Variants in PCID2 observed in about 807,000 individuals in gnomAD.
The protein encoded by PCID2 is PCI domain containing 2.
A neutral mutation model predicts 61.3 loss-of-function variants in PCID2; 41 were observed. That is an observed-to-expected ratio of 0.67 (90% CI 0.52 to 0.87). The LOEUF (loss-of-function observed/expected upper bound fraction) is 0.87, where lower values mean the gene tolerates loss of function less well. Among genes scored for constraint, PCID2 ranks in the 40% least tolerant of loss-of-function variants. The pLI is 0.00. For missense variants in PCID2, 392 were observed against 493.4 expected, an observed-to-expected ratio of 0.79 and a Z score of 1.95; for synonymous variants, 187 against 177.8, an observed-to-expected ratio of 1.05 and a Z score of -0.41.
chr13:113,182,813 T>C (rs960621035), intron 9 of PCID2, among the ~76,000 whole-genome samples: 2 of 152,208 alleles, frequency 1.3e-5, no homozygotes, highest in African/African-American at 4.8e-5. Flanking sequence ...TAATAGTTAA[T>C]GCAAGCTGAG....
At chr13:113,196,359 G>A (rs1354894183) in intron 4 of PCID2, 137 bp from the exon 5 acceptor site, 3 of 616,710 alleles carry the variant, frequency 4.9e-6, no homozygotes, top group East Asian at 2.5e-5. Flanking sequence ...GTAAGTTCTT[G>A]AAGGAAAAAA....
At position 113,197,165 on chromosome 13, in the gene PCID2, C is replaced by T. The variant is rs150377970; in HGVS notation, c.266+13G>A. ...TTCTATGCGGGACAGCTGCCATGAA[C>T]GACAAAGGATATTGGACTATCACGG... is the stretch of plus-strand genomic sequence containing the variant. On this transcript the variant is annotated intron_variant, in intron 4 of 13. Coordinates refer to ENST00000337344, the MANE Select transcript of PCID2 (RefSeq NM_001127202.4). 7.6e-5 allele frequency: 123 copies of T among 1,614,042 alleles called. No individual in the cohort carries two copies. The highest frequency in any genetic ancestry group is 7.1e-4 in the South Asian group (65 of 91,086).
downstream of PCID2, among the ~76,000 whole-genome samples, chr13:113,176,847 A>C (rs2037199399): frequency 6.6e-6 from 1 of 152,160 alleles, no homozygotes; most frequent in African/African-American, 2.4e-5. Flanking sequence ...TGCAACTCAG[A>C]AGAGAGCCCT....
Position 113,179,830 on chromosome 13 carries a change from TTC to T in PCID2, c.986+85_986+86del. ...TAACGACCCCACCCACACGGTGGCC[TTC>T]TCTCTTAGACTGCAACAGCCCTGGA... On this transcript the variant is annotated intron_variant, in intron 12 of 13. Transcript: ENST00000337344. The surrounding 1 kb of genome is among the most constrained non-coding windows in gnomAD (Gnocchi z 4.3). 8 of 1,370,962 alleles carry T rather than the reference TTC, an allele frequency of 5.8e-6. No individual in the cohort carries two copies. Among genetic ancestry groups the T allele is most frequent in the South Asian group, 2.7e-5 (2 of 74,992 alleles). 84.9% of individuals were successfully genotyped at this position (1,370,962 alleles called of 1,614,324 possible).
At position 113,204,251 on chromosome 13, in the gene PCID2, G is replaced by A. The variant is rs576907014; in HGVS notation, c.37-3735C>T. Among the ~76,000 whole-genome samples the A allele has an allele frequency of 2.6e-5, 4 of 152,352 alleles. No individual in the cohort carries two copies. The South Asian group carries it at 8.3e-4, about 32-fold the overall frequency. On this transcript the variant is annotated intron_variant, in intron 1 of 13. Transcript: ENST00000337344. The stretch of plus-strand genomic sequence containing the variant: ...AGTACTCTGGTGACAGGTCACACTT[G>A]AGCATGATGTTCTGATGTTGCCAAG...
chr13:113,188,988 T>C (rs1191090415), intron 7 of PCID2, among the ~76,000 whole-genome samples: 1 of 152,196 alleles, frequency 6.6e-6, no homozygotes, highest in Non-Finnish European at 1.5e-5. Flanking sequence ...TGTTAAAACC[T>C]GATCCCCGTT....
At position 113,181,133 on chromosome 13, in the gene PCID2, T is replaced by G; in HGVS notation, c.783A>C (p.Leu261=). The G allele has an allele frequency of 1.3e-6, 2 of 1,587,636 alleles. No homozygotes were observed. Among genetic ancestry groups the G allele is most frequent in the Non-Finnish European group, 1.7e-6 (2 of 1,155,794 alleles). ...ILIYLLPVKM[L]LGHMPTVELL... ...ACATGGAGTAATAATCACTCACCAA[T>G]AGCATTTTTACTGGAAGCAAATAGA... The change falls in exon 10 of 14, where the codon CTA becomes CTC. Residue 261 remains leucine (L), a synonymous_variant. Transcript: ENST00000337344.
At chr13:113,165,407 C>T in the PCID2 span, among the ~76,000 whole-genome samples, 1 of 152,244 alleles carries the variant, frequency 6.6e-6, no homozygotes, top group Admixed American at 6.5e-5. Context: ...AAAATCTCTG[C>T]TCTCGGCTGC....
downstream of PCID2, among the ~76,000 whole-genome samples, chr13:113,176,603 AAATAAAAAAAT>A (rs2037195592): frequency 9.8e-4 from 9 of 9,168 alleles, no homozygotes; most frequent in South Asian, 0.017. Context: ...TCTCTACAAA[AAATAAAAAAAT>A]TAGTTGGGTG....
chr13:113,175,443 C>G (rs998564113), downstream of PCID2, among the ~76,000 whole-genome samples: 6 of 151,706 alleles, frequency 4.0e-5, no homozygotes, highest in African/African-American at 9.7e-5. Context: ...TTCCAATATT[C>G]AAATTACTGC....
chr13:113,183,836 G>C, intron 9 of PCID2: 2 of 985,350 alleles, frequency 2.0e-6, no homozygotes, highest in Non-Finnish European at 2.4e-6. Flanking sequence ...CACGCCGTGC[G>C]AGGCTGTTTA....
At position 113,179,497 on chromosome 13, in the gene PCID2, G is replaced by A. The variant is rs1024571695; in HGVS notation, c.987-408C>T. ...TACACAACTGAGATCCTGCTGGGAC[G>A]AGGCCTCAGAAGACGTGTGAGGAAA... On this transcript the variant is annotated intron_variant, in intron 12 of 13. Coordinates refer to ENST00000337344, the MANE Select transcript of PCID2 (RefSeq NM_001127202.4). The surrounding 1 kb of genome is among the most constrained non-coding windows in gnomAD (Gnocchi z 4.3). 6.6e-6 allele frequency among the ~76,000 whole-genome samples: 1 copy of A among 152,000 alleles called. No homozygotes were observed. The highest frequency in any genetic ancestry group is 3.4e-3 in the Middle Eastern group (1 of 294).
chr13:113,200,538 C>A (rs1273917980), intron 1 of PCID2, 22 bp from the exon 2 acceptor site: 5 of 1,488,268 alleles, frequency 3.4e-6, no homozygotes, highest in East Asian at 2.3e-5. Flanking sequence ...GAAAGGGAAA[C>A]CTAAGTAGAA....
At chr13:113,187,818 G>A (rs1396040795) in intron 7 of PCID2, 3 of 152,150 alleles carry the variant, frequency 2.0e-5, no homozygotes, top group African/African-American at 7.2e-5. Flanking sequence ...GTCCTTTGAA[G>A]TCTAAAGTTT....
downstream of PCID2, among the ~76,000 whole-genome samples, chr13:113,175,240 G>C (rs1319583921): frequency 6.6e-6 from 1 of 152,042 alleles, no homozygotes; most frequent in Non-Finnish European, 1.5e-5. Context: ...AACACCAAGA[G>C]GTAAACGTAA....
intron 8 of PCID2, 41 bp from the exon 9 acceptor site, chr13:113,184,528 C>CA (rs746409950): frequency 7.8e-7 from 1 of 1,277,868 alleles, no homozygotes. Flanking sequence ...TTAAAAACAA[C>CA]AAAAACAGGT....
intron 4 of PCID2, 145 bp from the exon 5 acceptor site, chr13:113,196,367 AAAGGTAT>A (rs2039017337): frequency 5.1e-6 from 3 of 584,338 alleles, no homozygotes; most frequent in Middle Eastern, 4.5e-4. Context: ...TTGAAGGAAA[AAAGGTAT>A]AAGCTCACAT....
rs753745605 is a variant in PCID2 at position 113,196,232 on chromosome 13, T to C, written c.267-10A>G. On this transcript the variant is annotated splice_polypyrimidine_tract_variant and intron_variant, in intron 4 of 13. Transcript: ENST00000337344. ...TGCTCGCAAGAATGATGTACTGTAT[T>C]AAGGAAGATATGGCATACAAAGTTC... The C allele has an allele frequency of 6.3e-7, 1 of 1,583,180 alleles. No homozygotes were observed. The highest frequency in any genetic ancestry group is 1.7e-5 in the Admixed American group (1 of 59,842).
downstream of PCID2, among the ~76,000 whole-genome samples, chr13:113,175,159 C>T (rs758005874): frequency 2.4e-4 from 36 of 152,220 alleles, no homozygotes; most frequent in Admixed American, 6.5e-5. Context: ...CATTAAACCT[C>T]TTTCCTTTAC....
Sources: allele counts gnomAD v4.1 joint callset (sites outside exome capture counted in the v4.1 genomes callset), GRCh38; gene constraint gnomAD v4.1.1; non-coding constraint Gnocchi (gnomAD v3.1); transcripts MANE v1.5; gene names NCBI Gene and HGNC (gene_info 2026-07-23, HGNC 2026-07-21).